Variants in LRP2 observed in about 807,000 individuals in gnomAD.
LRP2 encodes the protein LDL receptor related protein 2.
In LRP2, 172 loss-of-function variants were observed where a neutral mutation model predicts 531.0. The ratio of observed to expected loss-of-function variants is 0.32; its 90% confidence interval spans 0.29 to 0.37. The LOEUF is 0.37. Among genes scored for constraint, LRP2 ranks in the 10% least tolerant of loss-of-function variants. LRP2 has a pLI of 1.00. For synonymous variants in LRP2, 1,992 were observed against 2,027.6 expected, an observed-to-expected ratio of 0.98 and a Z score of 0.47; for missense variants, 5,167 against 5,868.3, an observed-to-expected ratio of 0.88 and a Z score of 3.90.
chr2:169,137,545 G>A (rs778977156), intron 75 of LRP2, 52 bp from the exon 76 acceptor site: 37 of 1,107,394 alleles, frequency 3.3e-5, no homozygotes, highest in East Asian at 2.5e-4. Context: ...AACAGAGAGA[G>A]AGATTACACC....
intron 3 of LRP2, 68 bp from the exon 4 acceptor site, chr2:169,307,465 A>G (rs1684456311): frequency 1.1e-6 from 1 of 943,818 alleles, no homozygotes; most frequent in Non-Finnish European, 1.7e-6. Context: ...TATTGTCATT[A>G]ACAAGGATAT....
Position 169,256,101 on chromosome 2 carries a change from C to T in LRP2, c.2770+5G>A, listed in dbSNP as rs746617966. On this transcript the variant is annotated splice_donor_5th_base_variant and intron_variant, in intron 19 of 78. Coordinates refer to ENST00000649046, the MANE Select transcript of LRP2 (RefSeq NM_004525.3). The stretch of plus-strand genomic sequence containing the variant: ...AATACATACTTTTATTGCTTTAAAA[C>T]ATACCTCCAAAGATGGCAAGTCCAA... The T allele has an allele frequency of 6.2e-7, 1 of 1,612,542 alleles. No homozygotes were observed.
Position 169,216,449 on chromosome 2 carries a change from C to G in LRP2, c.5649-19G>C, listed in dbSNP as rs1474585570. The G allele has an allele frequency of 6.2e-7, 1 of 1,612,708 alleles. No homozygotes were observed. Among genetic ancestry groups the G allele is most frequent in the Admixed American group, 1.7e-5 (1 of 59,946 alleles). ...CAGCTTCCTACAACCATGAAAAACA[C>G]CAGCATGTAACAAAACAGAAGGTGG... On this transcript the variant is annotated intron_variant, in intron 34 of 78. Coordinates refer to ENST00000649046, the MANE Select transcript of LRP2 (RefSeq NM_004525.3).
At chr2:169,170,241 A>G (rs1386168410) in intron 59 of LRP2, among the ~76,000 whole-genome samples, 1 of 152,202 alleles carries the variant, frequency 6.6e-6, no homozygotes, top group Non-Finnish European at 1.5e-5. Context: ...TTTCCGTGGA[A>G]TAGTAGCAAG....
intron 29 of LRP2, among the ~76,000 whole-genome samples, chr2:169,234,917 T>G (rs1329107126): frequency 1.3e-5 from 2 of 151,954 alleles, no homozygotes; most frequent in East Asian, 3.8e-4. Flanking sequence ...TTTTTGTTTT[T>G]TTTTTTTTTG....
chr2:169,175,459 C>G, intron 54 of LRP2, 70 bp from the exon 55 acceptor site: 1 of 1,438,342 alleles, frequency 7.0e-7, no homozygotes, highest in Non-Finnish European at 9.8e-7. Context: ...GAGAAGAAGT[C>G]AACACTGAAT....
intron 33 of LRP2, among the ~76,000 whole-genome samples, chr2:169,224,007 G>A (rs1274653635): frequency 6.6e-6 from 1 of 152,026 alleles, no homozygotes; most frequent in African/African-American, 2.4e-5. Flanking sequence ...ACAGTCATCT[G>A]CACTCATCCA....
chr2:169,202,243 C>A (rs985380277), intron 43 of LRP2, among the ~76,000 whole-genome samples: 29 of 152,120 alleles, frequency 1.9e-4, no homozygotes, highest in Admixed American at 1.2e-3. Context: ...CTCAGAACTC[C>A]CTGAGAAAGT....
At chr2:169,205,446 T>C (rs1261055751) in intron 41 of LRP2, 33 bp downstream of exon 41, 2 of 1,613,454 alleles carry the variant, frequency 1.2e-6, no homozygotes, top group Admixed American at 1.7e-5. Context: ...AAACCTCTTC[T>C]TAACACCCAC....
chr2:169,206,485 A>C lies in LRP2; in HGVS notation c.7235T>G (p.Phe2412Cys). 6.2e-7 allele frequency: 1 copy of C among 1,614,180 alleles called. No homozygotes were observed. The highest frequency in any genetic ancestry group is 8.5e-7 in the Non-Finnish European group (1 of 1,180,030). ...HLDPENHSPP[F>C]QTINVERTVM... ...AGTTCTTTCCACATTTATTGTTTGGAAAGGTGGGCTATGGTTTTCAGGGTC... is the reference window on the plus strand; with the variant it reads ...AGTTCTTTCCACATTTATTGTTTGGCAAGGTGGGCTATGGTTTTCAGGGTC... Residue 2412 changes from phenylalanine (F) to cysteine (C), a missense_variant, in exon 39 of 79, where the codon TTC (phenylalanine) becomes TGC (cysteine). Physicochemically the swap from Phe to Cys is radical, Grantham distance 205. Around this residue, in one of 6 missense-constraint regions of LRP2, gnomAD observed 2,811 missense variants for 3,058.0 expected, o/e 0.92. Coordinates refer to ENST00000649046, the MANE Select transcript of LRP2 (RefSeq NM_004525.3).
chr2:169,273,155 T>C (rs1433952482), intron 14 of LRP2, 88 bp from the exon 15 acceptor site: 4 of 1,438,500 alleles, frequency 2.8e-6, no homozygotes, highest in African/African-American at 2.8e-5. Flanking sequence ...TTTTCACCTA[T>C]AGGTGAAATA....
At chr2:169,231,139 C>T (rs531741707) in intron 31 of LRP2, among the ~76,000 whole-genome samples, 2 of 151,948 alleles carry the variant, frequency 1.3e-5, no homozygotes, top group African/African-American at 4.8e-5. Context: ...ACAAAAAATA[C>T]AAAAATTAGC....
At chr2:169,269,714 A>G (rs1683347243) in intron 16 of LRP2, among the ~76,000 whole-genome samples, 2 of 152,238 alleles carry the variant, frequency 1.3e-5, no homozygotes, top group Admixed American at 6.5e-5. Context: ...TCATGACTGC[A>G]ACACCAAAAG....
At chr2:169,352,822 G>C (rs561764526) in intron 1 of LRP2, among the ~76,000 whole-genome samples, 119 of 151,868 alleles carry the variant, frequency 7.8e-4, no homozygotes, top group East Asian at 6.8e-3. Flanking sequence ...GGTCACAGGG[G>C]GGGGAACATC....
intron 66 of LRP2, among the ~76,000 whole-genome samples, chr2:169,153,191 G>C (rs1686208645): frequency 6.6e-6 from 1 of 152,192 alleles, no homozygotes. Context: ...GTGAGATTTA[G>C]TCATCTCTAT....
intron 5 of LRP2, 118 bp from the exon 6 acceptor site, chr2:169,294,379 G>A (rs1684082009): frequency 2.6e-6 from 2 of 782,740 alleles, no homozygotes; most frequent in East Asian, 5.1e-5. Flanking sequence ...GCAGTGGTGT[G>A]CTGGTAACTG....
intron 9 of LRP2, among the ~76,000 whole-genome samples, chr2:169,284,881 T>C (rs952962142): frequency 2.0e-5 from 3 of 152,066 alleles, no homozygotes; most frequent in Non-Finnish European, 4.4e-5. Context: ...TGAGACCACG[T>C]CTAAGGATCT....
At chr2:169,275,416 G>A in intron 13 of LRP2, 178 bp from the exon 14 acceptor site, 1 of 599,860 alleles carries the variant, frequency 1.7e-6, no homozygotes, top group South Asian at 2.0e-5. Context: ...TATGATAGAA[G>A]GATTTTCATG....
chr2:169,157,598 G>A lies in LRP2; in HGVS notation c.11888-96C>T, dbSNP rs1039007244. The A allele has an allele frequency of 2.9e-6, 4 of 1,356,980 alleles. No individual in the cohort carries two copies. In the Admixed American group the frequency reaches 5.3e-5, roughly 18 times the overall value. 84.1% of individuals were successfully genotyped at this position (1,356,980 alleles called of 1,614,324 possible). A position where few individuals can be genotyped will look rare whatever the true frequency, so the allele number is the denominator to read the frequency against. ...AGCACCTACTCGTAACCAACTATAG[G>A]ACATCTTGAGATAACCCCTTTCCAT... is the stretch of plus-strand genomic sequence containing the variant. On this transcript the variant is annotated intron_variant, in intron 63 of 78. Transcript: ENST00000649046.
Sources: allele counts gnomAD v4.1 joint callset (sites outside exome capture counted in the v4.1 genomes callset), GRCh38; gene constraint gnomAD v4.1.1; regional missense constraint gnomAD v4.1.1; transcripts MANE v1.5; gene names NCBI Gene and HGNC (gene_info 2026-07-23, HGNC 2026-07-21).